The following CASC3 variants were observed in gnomAD, a reference collection of about 807,000 sequenced individuals.
The protein encoded by CASC3 is protein CASC3.
In CASC3, 30 loss-of-function variants were observed where a neutral mutation model predicts 80.5. That is an observed-to-expected ratio of 0.37 (90% confidence interval 0.28 to 0.51). The LOEUF (loss-of-function observed/expected upper bound fraction) is 0.51, where lower values mean the gene tolerates loss of function less well. Among genes scored for constraint, CASC3 ranks in the 20% least tolerant of loss-of-function variants. The pLI is 0.94. For missense variants in CASC3, 824 were observed against 922.2 expected (o/e 0.89, Z 1.38); for synonymous variants, 312 against 333.6 (o/e 0.94, Z 0.70).
chr17:40,162,101 G>A lies in CASC3; in HGVS notation c.556G>A (p.Gly186Arg). 6.2e-7 allele frequency: 1 copy of A among 1,614,002 alleles called. No homozygotes were observed. ...RKNPAYIPRK[G>R]LFFEHDLRGQ... is the part of the protein sequence containing the mutation. ...GAATCCAGCATACATACCTCGGAAA[G>A]GGCTCTTCTTTGAGCATGATCTTCG... The change falls in exon 5 of 14, where the codon GGG (glycine) becomes AGG (arginine). Residue 186 changes from glycine (G) to arginine (R), a missense_variant. Physicochemically the swap from Gly to Arg is moderately radical, Grantham distance 125. This residue lies in a region of CASC3 where 201 missense variants were observed against 294.1 expected (regional missense o/e 0.68). Coordinates refer to ENST00000264645, the MANE Select transcript of CASC3 (RefSeq NM_007359.5).
chr17:40,157,148 A>G (rs886489934), intron 3 of CASC3, among the ~76,000 whole-genome samples: 4 of 151,024 alleles, frequency 2.6e-5, no homozygotes, highest in African/African-American at 9.8e-5. Flanking sequence ...GATCGAGACC[A>G]TCCTGGCTAA....
chr17:40,170,723 C>T lies in CASC3; in HGVS notation c.*318C>T, dbSNP rs1366857711. ...GAAGCCCATGTCTTCTGCTGTTCTT[C>T]ACTTCTGGGAAATTGAAGTGTCTTC... On this transcript the variant is annotated 3_prime_UTR_variant, in exon 14 of 14. Coordinates refer to ENST00000264645, the MANE Select transcript of CASC3 (RefSeq NM_007359.5). 1 of 985,464 alleles carries T rather than the reference C, an allele frequency of 1.0e-6. No individual in the cohort carries two copies. Among genetic ancestry groups the T allele is most frequent in the East Asian group, 1.1e-4 (1 of 8,964 alleles). The allele number at this position is 985,464 out of a possible 1,614,324, so 61.0% of individuals were successfully genotyped here.
intron 11 of CASC3, chr17:40,169,113 G>T: frequency 2.0e-6 from 1 of 498,744 alleles, no homozygotes; most frequent in Admixed American, 3.9e-5. Flanking sequence ...GAGAAAGCTG[G>T]GCAGTACTTT....
In CASC3 at chr17:40,154,390, T is replaced by G. The variant is rs1567679460; in HGVS notation, c.298-7363T>G. On this transcript the variant is annotated intron_variant, in intron 3 of 13. Coordinates refer to ENST00000264645, the MANE Select transcript of CASC3 (RefSeq NM_007359.5). ...CTGGGATTACAGGTGTGCGCTGCCATGCCCGGCTAATTTTTGTATTTTTAG... is the reference window on the plus strand; with the variant it reads ...CTGGGATTACAGGTGTGCGCTGCCAGGCCCGGCTAATTTTTGTATTTTTAG... Among the ~76,000 whole-genome samples, 3 of 151,838 alleles carry G rather than the reference T, an allele frequency of 2.0e-5. No homozygotes were observed. The East Asian group carries it at 5.8e-4, about 29-fold the overall frequency.
rs1389882558 is a variant in CASC3, at chr17:40,140,663, A to G, written c.115A>G (p.Ser39Gly). Residue 39 changes from serine (S) to glycine (G), a missense_variant, in exon 1 of 14, where the codon AGC becomes GGC. This residue lies in a region of CASC3 where 159 missense variants were observed against 122.2 expected (regional missense o/e 1.30). Coordinates refer to ENST00000264645, the MANE Select transcript of CASC3 (RefSeq NM_007359.5). ...GCGGGGAGGCGGGAGCTGCAGCGGTAGCGCCGGAGGCGGCGGCAGCGGCTC... is the reference window on the plus strand; with the variant it reads ...GCGGGGAGGCGGGAGCTGCAGCGGTGGCGCCGGAGGCGGCGGCAGCGGCTC... ...PLRGGGSCSG[S>G]AGGGGSGSLP... 1 of 1,605,878 alleles carries G rather than the reference A, an allele frequency of 6.2e-7. No individual in the cohort carries two copies. The highest frequency in any genetic ancestry group is 8.5e-7 in the Non-Finnish European group (1 of 1,177,536).
chr17:40,155,862 C>T (rs891876479), intron 3 of CASC3, among the ~76,000 whole-genome samples: 9 of 152,114 alleles, frequency 5.9e-5, no homozygotes, highest in Admixed American at 1.3e-4. Context: ...GCAGTGTGAC[C>T]GTGTGGTAGC....
In CASC3 at chr17:40,164,011, A is replaced by G. The variant is rs1008227118; in HGVS notation, c.1316A>G (p.Glu439Gly). 2 of 1,613,952 alleles carry G rather than the reference A, an allele frequency of 1.2e-6. No homozygotes were observed. ...CTGATTCCAGCACCTCCAGTCCCAG[A>G]AACCACCCCAACTCCACCTACTAAG... ...EGLIPAPPVP[E>G]TTPTPPTKTG... Residue 439 changes from glutamate (E) to glycine (G), a missense_variant, in exon 7 of 14, where the codon GAA becomes GGA. Transcript: ENST00000264645.
At chr17:40,143,941 A>G (rs1598419241) in intron 3 of CASC3, among the ~76,000 whole-genome samples, 1 of 152,140 alleles carries the variant, frequency 6.6e-6, no homozygotes, top group Non-Finnish European at 1.5e-5. Context: ...ATTATTACAC[A>G]TTGTATATCT....
Position 40,140,712 on chromosome 17 carries a change from GA to G in CASC3, c.166del (p.Thr56ProfsTer60). On this transcript the variant is annotated frameshift_variant, in exon 1 of 14. Transcript: ENST00000264645. LOFTEE classifies it high-confidence loss of function. ...SGSLPSQRGG[R>X]TGALHLRRVE... ...TCTCTGCCTTCACAGCGCGGAGGCC[GA>G]ACCGGGGCCCTTCATCTGCGGCGGG... The G allele has an allele frequency of 1.3e-6, 2 of 1,566,424 alleles. No individual in the cohort carries two copies. The highest frequency in any genetic ancestry group is 1.7e-6 in the Non-Finnish European group (2 of 1,157,960).
chr17:40,140,537 G>T lies in CASC3; in HGVS notation c.-12G>T. ...CGTAAGTACCTCGCCGGTGGTGGCC[G>T]TTCTCCGTAAGATGGCGGACCGGCG... On this transcript the variant is annotated 5_prime_UTR_variant, in exon 1 of 14. Coordinates refer to ENST00000264645, the MANE Select transcript of CASC3 (RefSeq NM_007359.5). 2 of 1,605,086 alleles carry T rather than the reference G, an allele frequency of 1.2e-6. No homozygotes were observed. Among genetic ancestry groups the T allele is most frequent in the Non-Finnish European group, 8.5e-7 (1 of 1,179,500 alleles).
At position 40,164,151 on chromosome 17, in the gene CASC3, C is replaced by G. The variant is rs756450020; in HGVS notation, c.1456C>G (p.Pro486Ala). ...WSPGQPSFLQ[P>A]RELRGMPNHI... The stretch of plus-strand genomic sequence containing the variant: ...TCCGGGGCAGCCTTCTTTCCTGCAA[C>G]CACGGGAACTTCGAGGTAGGTATCA... Residue 486 changes from proline to alanine, a missense_variant, in exon 7 of 14, where the codon CCA becomes GCA. Pro to Ala is a conservative substitution (Grantham distance 27, BLOSUM62 -1). Coordinates refer to ENST00000264645, the MANE Select transcript of CASC3 (RefSeq NM_007359.5). 6.2e-7 allele frequency: 1 copy of G among 1,605,514 alleles called. No homozygotes were observed. The highest frequency in any genetic ancestry group is 8.5e-7 in the Non-Finnish European group (1 of 1,177,334).
intron 3 of CASC3, among the ~76,000 whole-genome samples, chr17:40,142,160 T>C (rs2145149086): frequency 6.6e-6 from 1 of 152,278 alleles, no homozygotes. Flanking sequence ...TGGGATTATA[T>C]ATAGGGGGAA....
intron 3 of CASC3, among the ~76,000 whole-genome samples, chr17:40,160,321 C>T (rs1420866055): frequency 2.0e-5 from 3 of 151,908 alleles, no homozygotes; most frequent in Non-Finnish European, 4.4e-5. Flanking sequence ...AGCGAGACCT[C>T]GTCTCTACTA....
Position 40,168,194 on chromosome 17 carries a change from C to T in CASC3, c.1751-9C>T, listed in dbSNP as rs759204673. On this transcript the variant is annotated splice_polypyrimidine_tract_variant and intron_variant, in intron 10 of 13. Transcript: ENST00000264645. ...TTTATTTTTCAGTTTTTTTCTTCTC[C>T]TTATCCAGGTTTACATCCCCACCAG... is the stretch of plus-strand genomic sequence containing the variant. 2 of 1,612,536 alleles carry T rather than the reference C, an allele frequency of 1.2e-6. No individual in the cohort carries two copies. The highest frequency in any genetic ancestry group is 1.7e-6 in the Non-Finnish European group (2 of 1,178,660).
At chr17:40,166,898 T>A (rs74458287) in intron 8 of CASC3, 37 bp downstream of exon 8, 99,611 of 1,452,362 alleles carry the variant, frequency 0.069, 3,951 homozygotes, top group Non-Finnish European at 0.076. Context: ...GGGAGGGAGC[T>A]GCCTGTTACA....
At position 40,161,925 on chromosome 17, in the gene CASC3, A is replaced by C. The variant is rs780434129; in HGVS notation, c.456+14A>C. 1.2e-6 allele frequency: 2 copies of C among 1,613,630 alleles called. No individual in the cohort carries two copies. Among genetic ancestry groups the C allele is most frequent in the East Asian group, 4.5e-5 (2 of 44,894 alleles). On this transcript the variant is annotated intron_variant, in intron 4 of 13. Coordinates refer to ENST00000264645, the MANE Select transcript of CASC3 (RefSeq NM_007359.5). ...GGGGACGGACAGGTTAGTACATTCC[A>C]CAGTCCTCCATTTTAGAGGCTGGAA...
At chr17:40,154,291 T>G (rs771824130) in intron 3 of CASC3, among the ~76,000 whole-genome samples, 3 of 152,100 alleles carry the variant, frequency 2.0e-5, no homozygotes, top group Non-Finnish European at 4.4e-5. Context: ...AAGCAAGCAG[T>G]CTTCCCACCT....
At chr17:40,156,584 G>A (rs904936564) in intron 3 of CASC3, among the ~76,000 whole-genome samples, 5 of 152,064 alleles carry the variant, frequency 3.3e-5, no homozygotes, top group African/African-American at 9.7e-5. Flanking sequence ...ACCTACTTGG[G>A]AGGCTGAGGC....
intron 3 of CASC3, among the ~76,000 whole-genome samples, chr17:40,145,379 G>C (rs896114450): frequency 1.3e-5 from 2 of 149,802 alleles, no homozygotes; most frequent in African/African-American, 4.9e-5. Flanking sequence ...CCACCATGTT[G>C]GCCAGGATGG....
Sources: gnomAD v4.1 joint callset for allele counts (sites outside exome capture counted in the v4.1 genomes callset) on GRCh38, gnomAD v4.1.1 for gene constraint, gnomAD v4.1.1 regional missense constraint, MANE v1.5 for transcripts, NCBI Gene and HGNC (gene_info 2026-07-23, HGNC 2026-07-21) for gene names.